The following TMEM87B variants were observed in gnomAD, a reference collection of about 807,000 sequenced individuals.
TMEM87B encodes transmembrane protein 87B.
In TMEM87B, 83 loss-of-function variants were observed where a neutral mutation model predicts 80.3. That is an observed-to-expected ratio of 1.03 (90% confidence interval 0.87 to 1.24). TMEM87B has a LOEUF of 1.24. TMEM87B is among the 50% of genes most tolerant of loss of function. TMEM87B has a pLI of 0.00. For synonymous variants in TMEM87B, 219 were observed against 230.5 expected, an observed-to-expected ratio of 0.95 and a Z score of 0.45; for missense variants, 625 against 674.4, an observed-to-expected ratio of 0.93 and a Z score of 0.81.
intron 4 of TMEM87B, among the ~76,000 whole-genome samples, chr2:112,073,791 T>C (rs1377072814): frequency 6.6e-6 from 1 of 152,208 alleles, no homozygotes; most frequent in Non-Finnish European, 1.5e-5. Flanking sequence ...GTTGGGTGCA[T>C]ATATATTTAA....
At chr2:112,109,664 C>CTTTTTTTTTTTTTTTTTTTTT (rs561752709) in intron 17 of TMEM87B, among the ~76,000 whole-genome samples, 1 of 46,342 alleles carries the variant, frequency 2.2e-5, no homozygotes, top group Non-Finnish European at 4.3e-5. Context: ...TAAGTATGGT[C>CTTTTTTTTTTTTTTTTTTTTT]TTTTTTTTTT....
At chr2:112,095,304 C>T in intron 11 of TMEM87B, 1 of 981,008 alleles carries the variant, frequency 1.0e-6, no homozygotes, top group African/African-American at 1.8e-5. Context: ...TGGTGGATAT[C>T]CTTTTCCTAC....
intron 9 of TMEM87B, 126 bp downstream of exon 9, chr2:112,086,230 A>G (rs1335058344): frequency 1.4e-5 from 9 of 621,558 alleles, no homozygotes; most frequent in Non-Finnish European, 2.4e-5. Context: ...AAAAATCTAC[A>G]AGAACACATT....
intron 17 of TMEM87B, among the ~76,000 whole-genome samples, chr2:112,112,325 C>T (rs1679943378): frequency 6.6e-6 from 1 of 152,172 alleles, no homozygotes; most frequent in African/African-American, 2.4e-5. Context: ...GTACCCTTTG[C>T]TGGCAGACAT....
chr2:112,057,827 C>CT (rs35341806), intron 1 of TMEM87B, among the ~76,000 whole-genome samples: 20,509 of 137,766 alleles, frequency 0.15, 1,646 homozygotes, highest in South Asian at 0.2. Flanking sequence ...CTGCCTCAGT[C>CT]TTTTTTTTTT....
intron 16 of TMEM87B, among the ~76,000 whole-genome samples, 171 bp from the exon 17 acceptor site, chr2:112,107,617 A>T (rs1679807762): frequency 6.6e-6 from 1 of 152,250 alleles, no homozygotes; most frequent in African/African-American, 2.4e-5. Context: ...CGTGTGTAAG[A>T]AAACAGTGGC....
At chr2:112,096,701 T>A (rs908010229) in intron 11 of TMEM87B, among the ~76,000 whole-genome samples, 2 of 152,234 alleles carry the variant, frequency 1.3e-5, no homozygotes, top group African/African-American at 4.8e-5. Flanking sequence ...TGTCACAATG[T>A]GATCTGTAAA....
In TMEM87B at chr2:112,118,083, G is replaced by C. The variant is rs1471266389; in HGVS notation, c.*1940G>C. The C allele has an allele frequency of 6.6e-6, 1 of 152,168 alleles. No individual in the cohort carries two copies. The highest frequency in any genetic ancestry group is 1.5e-5 in the Non-Finnish European group (1 of 68,016). 9.4% of individuals were successfully genotyped at this position (152,168 alleles called of 1,614,324 possible). On this transcript the variant is annotated 3_prime_UTR_variant, in exon 19 of 19. Transcript: ENST00000283206. ...GCAGTGCAAACTTTTCTTCCATCCA[G>C]AGAAAGCAGAATTCCCTCCTAGTAA...
intron 6 of TMEM87B, among the ~76,000 whole-genome samples, chr2:112,078,084 G>A (rs773209648): frequency 4.6e-5 from 7 of 152,174 alleles, no homozygotes; most frequent in Non-Finnish European, 1.0e-4. Context: ...TGGCAAGGTG[G>A]CTGCTCTGGA....
intron 1 of TMEM87B, among the ~76,000 whole-genome samples, chr2:112,059,635 T>A (rs931842719): frequency 6.6e-6 from 1 of 152,162 alleles, no homozygotes; most frequent in Admixed American, 6.5e-5. Context: ...TTATCAAAAG[T>A]ACATTCAAAT....
At chr2:112,099,313 C>T (rs372027573) in intron 14 of TMEM87B, among the ~76,000 whole-genome samples, 41 of 152,064 alleles carry the variant, frequency 2.7e-4, no homozygotes, top group African/African-American at 9.2e-4. Context: ...TTTTTGAGCA[C>T]GGACAGGATA....
rs753015592 is a variant in TMEM87B at position 112,117,840 on chromosome 2, C to T, written c.*1697C>T. ...CCAAGTTTTGAGACAGATTGACCCC[C>T]TACTCATTATGTGGCTCTAGTTGAA... On this transcript the variant is annotated 3_prime_UTR_variant, in exon 19 of 19. Transcript: ENST00000283206. 9.9e-5 allele frequency: 15 copies of T among 152,114 alleles called. No homozygotes were observed. The highest frequency in any genetic ancestry group is 2.1e-4 in the Non-Finnish European group (14 of 68,028). The allele number at this position is 152,114 out of a possible 1,614,324, so 9.4% of individuals were successfully genotyped here.
In TMEM87B at chr2:112,070,495, C is replaced by T. The variant is rs369797075; in HGVS notation, c.450+3428C>T. Among the ~76,000 whole-genome samples, 83 of 152,144 alleles carry T rather than the reference C, an allele frequency of 5.5e-4. 1 individual carries two copies. The Middle Eastern group carries it at 0.017, about 31-fold the overall frequency. Reference sequence around the variant, plus strand: ...AGACCAAATTATTATACGTGTGCTCCGATATTTCTGGGCTCTCTATTCTGT... The same window carrying T: ...AGACCAAATTATTATACGTGTGCTCTGATATTTCTGGGCTCTCTATTCTGT... On this transcript the variant is annotated intron_variant, in intron 4 of 18. Transcript: ENST00000283206.
At position 112,081,056 on chromosome 2, in the gene TMEM87B, G is replaced by C. The variant is rs1187953065; in HGVS notation, c.593-1G>C. 1.2e-6 allele frequency: 2 copies of C among 1,611,240 alleles called. No homozygotes were observed. Among genetic ancestry groups the C allele is most frequent in the African/African-American group, 1.3e-5 (1 of 74,852 alleles). On this transcript the variant is annotated splice_acceptor_variant, in intron 6 of 18. Coordinates refer to ENST00000283206, the MANE Select transcript of TMEM87B (RefSeq NM_032824.3). LOFTEE classifies it high-confidence loss of function. ...TAACTCTCTCTTCTTCTCTATCCTA[G>C]TTTCTCTTTCTATGATTGGGCCTCA... is the stretch of plus-strand genomic sequence containing the variant.
In TMEM87B at chr2:112,070,722, G is replaced by A. The variant is rs148053091; in HGVS notation, c.450+3655G>A. Among the ~76,000 whole-genome samples the A allele has an allele frequency of 4.2e-3, 639 of 152,250 alleles. 2 individuals carry two copies. The highest frequency in any genetic ancestry group is 7.4e-3 in the Admixed American group (113 of 15,286). Reference sequence around the variant, plus strand: ...TCTAGTTTTGTGAAGAATGTCATTGGTAGTTTGATAGGAATAGCATTGAAT... The same window carrying A: ...TCTAGTTTTGTGAAGAATGTCATTGATAGTTTGATAGGAATAGCATTGAAT... On this transcript the variant is annotated intron_variant, in intron 4 of 18. Transcript: ENST00000283206.
chr2:112,077,975 C>CT (rs1325618808), intron 6 of TMEM87B, among the ~76,000 whole-genome samples: 3 of 152,214 alleles, frequency 2.0e-5, no homozygotes, highest in African/African-American at 7.2e-5. Context: ...TGATACTGCT[C>CT]TGATTCAGCC....
chr2:112,068,457 C>T (rs1252029886), intron 4 of TMEM87B, among the ~76,000 whole-genome samples: 2 of 152,230 alleles, frequency 1.3e-5, no homozygotes, highest in African/African-American at 4.8e-5. Context: ...ATAATCTCAG[C>T]ACTTTGGGAG....
chr2:112,061,649 G>T (rs553763216), intron 2 of TMEM87B, among the ~76,000 whole-genome samples: 44 of 152,132 alleles, frequency 2.9e-4, no homozygotes, highest in Admixed American at 1.7e-3. Flanking sequence ...CTGACAAAAA[G>T]TTATATGGAA....
chr2:112,072,627 A>G (rs149446009), intron 4 of TMEM87B, among the ~76,000 whole-genome samples: 1 of 152,050 alleles, frequency 6.6e-6, no homozygotes, highest in East Asian at 1.9e-4. Flanking sequence ...TCCGTTTGTC[A>G]TTTCTAATTA....
Sources: gnomAD v4.1 joint callset for allele counts (sites outside exome capture counted in the v4.1 genomes callset) on GRCh38, gnomAD v4.1.1 for gene constraint, MANE v1.5 for transcripts, NCBI Gene and HGNC (gene_info 2026-07-23, HGNC 2026-07-21) for gene names.